The following PTP4A1 variants were observed in gnomAD, a reference collection of about 807,000 sequenced individuals.
PTP4A1 encodes the protein protein tyrosine phosphatase type IVA 1.
In PTP4A1, 9 loss-of-function variants were observed where a neutral mutation model predicts 20.5. The ratio of observed to expected loss-of-function variants is 0.44; its 90% CI spans 0.26 to 0.77. The LOEUF is 0.77. Among genes scored for constraint, PTP4A1 ranks in the 30% least tolerant of loss-of-function variants. The probability of loss-of-function intolerance (pLI) is 0.19; values close to 1 mark genes in which losing one functional copy is unlikely to be tolerated. For missense variants in PTP4A1, 137 were observed against 218.8 expected (o/e 0.63, Z 2.36); for synonymous variants, 78 against 67.4 (o/e 1.16, Z -0.77).
chr6:63,561,741 A>T (rs1429587936), intron 3 of PTP4A1, among the ~76,000 whole-genome samples: 2 of 152,162 alleles, frequency 1.3e-5, no homozygotes, highest in African/African-American at 4.8e-5. Context: ...GGAGCTTCTC[A>T]CTGGTTGGGC....
chr6:63,579,092 G>T, intron 4 of PTP4A1, 64 bp downstream of exon 4: 1 of 1,452,432 alleles, frequency 6.9e-7, no homozygotes, highest in South Asian at 1.5e-5. Flanking sequence ...ACAGAAACTT[G>T]AAAAATTCTT....
chr6:63,526,827 ATATATATATT>A (rs1241933162), intron 1 of PTP4A1, among the ~76,000 whole-genome samples: 2 of 140,310 alleles, frequency 1.4e-5, no homozygotes, highest in African/African-American at 5.6e-5. Context: ...ATATATATAT[ATATATATATT>A]TATTTATTTA....
At chr6:63,517,852 G>A (rs1774786920), upstream of PTP4A1, among the ~76,000 whole-genome samples, 1 of 151,944 alleles carries the variant, frequency 6.6e-6, no homozygotes, top group Non-Finnish European at 1.5e-5. Context: ...AGAATCCATT[G>A]ACACATAAAA....
At chr6:63,549,820 A>G (rs1284781744) in intron 2 of PTP4A1, among the ~76,000 whole-genome samples, 1 of 152,162 alleles carries the variant, frequency 6.6e-6, no homozygotes, top group Non-Finnish European at 1.5e-5. Context: ...GGGTAGAGGG[A>G]AGAGGAAAAT....
Position 63,582,521 on chromosome 6 carries a change from C to T in PTP4A1, c.*2347C>T, listed in dbSNP as rs1561917759. On this transcript the variant is annotated 3_prime_UTR_variant, in exon 6 of 6. Transcript: ENST00000626021. ...AATTATAGGAATGCCTATAATACAT[C>T]TTAGATTCCTTATATCTAATAAGAG... 6.6e-6 allele frequency: 1 copy of T among 152,528 alleles called. No homozygotes were observed. Among genetic ancestry groups the T allele is most frequent in the Non-Finnish European group, 1.5e-5 (1 of 68,028 alleles). 9.4% of individuals were successfully genotyped at this position (152,528 alleles called of 1,614,324 possible). A position where few individuals can be genotyped will look rare whatever the true frequency, so the allele number is the denominator to read the frequency against.
intron 2 of PTP4A1, among the ~76,000 whole-genome samples, chr6:63,540,777 A>G (rs1272293860): frequency 1.3e-4 from 19 of 151,906 alleles, no homozygotes; most frequent in Admixed American, 1.2e-3. Context: ...GAGACGTAGA[A>G]ATAGCAAATA....
At chr6:63,564,542 T>C (rs1157450789) in intron 3 of PTP4A1, among the ~76,000 whole-genome samples, 1 of 152,190 alleles carries the variant, frequency 6.6e-6, no homozygotes, top group African/African-American at 2.4e-5. Context: ...GCTGCTTAGG[T>C]CACTGTCTGT....
In PTP4A1 at chr6:63,583,242, G is replaced by A. The variant is rs1778358147; in HGVS notation, c.*3068G>A. The A allele has an allele frequency of 1.3e-5, 2 of 152,138 alleles. No homozygotes were observed. Among genetic ancestry groups the A allele is most frequent in the Non-Finnish European group, 2.9e-5 (2 of 68,006 alleles). 9.4% of individuals were successfully genotyped at this position (152,138 alleles called of 1,614,324 possible). A position where few individuals can be genotyped will look rare whatever the true frequency, so the allele number is the denominator to read the frequency against. On this transcript the variant is annotated 3_prime_UTR_variant, in exon 6 of 6. Transcript: ENST00000626021. ...AACAATGAAGTTATTTCAAAGTTAA[G>A]TTTTAAACAAAATACATGAAGTAGT...
In PTP4A1 at chr6:63,582,155, A is replaced by T. The variant is rs560149022; in HGVS notation, c.*1981A>T. Reference sequence around the variant, plus strand: ...AAATCTTGGATTATTTGTGATAGTAATCACAAATTTTTGGCTAATTTTTAA... The same window carrying T: ...AAATCTTGGATTATTTGTGATAGTATTCACAAATTTTTGGCTAATTTTTAA... On this transcript the variant is annotated 3_prime_UTR_variant, in exon 6 of 6. Coordinates refer to ENST00000626021, the MANE Select transcript of PTP4A1 (RefSeq NM_003463.5). The T allele has an allele frequency of 1.3e-5, 2 of 152,080 alleles. No homozygotes were observed. The highest frequency in any genetic ancestry group is 4.2e-4 in the South Asian group (2 of 4,818). 9.4% of individuals were successfully genotyped at this position (152,080 alleles called of 1,614,324 possible).
At chr6:63,567,507 T>C (rs574230874), upstream of PTP4A1, among the ~76,000 whole-genome samples, 3 of 152,358 alleles carry the variant, frequency 2.0e-5, no homozygotes, top group East Asian at 5.8e-4. Context: ...AACAGTGGAC[T>C]TAAAATATTT....
intron 1 of PTP4A1, among the ~76,000 whole-genome samples, chr6:63,573,084 C>T (rs973742973): frequency 5.9e-5 from 9 of 152,232 alleles, no homozygotes; most frequent in African/African-American, 1.7e-4. Context: ...CGCTTTGTGA[C>T]CGCCGCCTCC....
At chr6:63,578,590 G>C in intron 3 of PTP4A1, 61 bp downstream of exon 3, 1 of 1,551,440 alleles carries the variant, frequency 6.4e-7, no homozygotes, top group Non-Finnish European at 8.6e-7. Context: ...TATTCAAATA[G>C]TAAATTCAAA....
At position 63,579,937 on chromosome 6, in the gene PTP4A1, C is replaced by T. The variant is rs969823566; in HGVS notation, c.405-120C>T. Reference sequence around the variant, plus strand: ...GTTCATATTCCTTTCTGCATCAGGTCACAGCCTAATTAATCAAAAGATAAA... The same window carrying T: ...GTTCATATTCCTTTCTGCATCAGGTTACAGCCTAATTAATCAAAAGATAAA... On this transcript the variant is annotated intron_variant, in intron 5 of 5. Coordinates refer to ENST00000626021, the MANE Select transcript of PTP4A1 (RefSeq NM_003463.5). The T allele has an allele frequency of 4.1e-6, 3 of 722,978 alleles. 1 individual carries two copies. The South Asian group carries it at 5.2e-5, about 12-fold the overall frequency. 44.8% of individuals were successfully genotyped at this position (722,978 alleles called of 1,614,324 possible).
intron 2 of PTP4A1, among the ~76,000 whole-genome samples, chr6:63,535,454 C>A (rs530890497): frequency 6.6e-6 from 1 of 151,816 alleles, no homozygotes; most frequent in Non-Finnish European, 1.5e-5. Flanking sequence ...GGCAACAGAG[C>A]GAGACTCTGT....
chr6:63,525,883 A>C (rs983708543), intron 1 of PTP4A1, among the ~76,000 whole-genome samples: 5 of 152,156 alleles, frequency 3.3e-5, no homozygotes, highest in African/African-American at 1.2e-4. Context: ...ACAAATGTTA[A>C]TATTTGAGTT....
chr6:63,529,137 G>GTGTGTA (rs1775331057), intron 2 of PTP4A1, among the ~76,000 whole-genome samples: 1 of 136,794 alleles, frequency 7.3e-6, no homozygotes, highest in Non-Finnish European at 1.6e-5. Flanking sequence ...ATATGTGTGT[G>GTGTGTA]TATATATATA....
chr6:63,522,057 C>T (rs1470833787), intron 1 of PTP4A1, among the ~76,000 whole-genome samples: 3 of 152,164 alleles, frequency 2.0e-5, no homozygotes, highest in African/African-American at 4.8e-5. Flanking sequence ...CAGGCTTTGC[C>T]AGATACTGTT....
At chr6:63,540,038 A>G (rs1323463821) in intron 2 of PTP4A1, among the ~76,000 whole-genome samples, 1 of 152,192 alleles carries the variant, frequency 6.6e-6, no homozygotes, top group Non-Finnish European at 1.5e-5. Context: ...AAGACAATCT[A>G]GAGTTTCTTG....
intron 3 of PTP4A1, among the ~76,000 whole-genome samples, chr6:63,565,497 A>G (rs1448199510): frequency 6.6e-6 from 1 of 152,204 alleles, no homozygotes; most frequent in Non-Finnish European, 1.5e-5. Flanking sequence ...CAGAGAAAAT[A>G]TTACCTCAAA....
Sources: gnomAD v4.1 joint callset for allele counts (sites outside exome capture counted in the v4.1 genomes callset) on GRCh38, gnomAD v4.1.1 for gene constraint, MANE v1.5 for transcripts, NCBI Gene and HGNC (gene_info 2026-07-23, HGNC 2026-07-21) for gene names.